NUP133: variants seen among roughly 807,000 people sequenced by gnomAD.
NUP133 encodes nucleoporin 133, also known as nuclear pore complex protein Nup133.
Under a neutral mutation model 146.2 loss-of-function variants are expected in NUP133, and 66 were observed. The observed-to-expected ratio is 0.45, with a 90% CI of 0.37 to 0.55. NUP133 has a LOEUF of 0.55. Among genes scored for constraint, NUP133 ranks in the 20% least tolerant of loss-of-function variants. NUP133 has a pLI of 0.00. For missense variants in NUP133, 1,277 were observed against 1,374.8 expected (o/e 0.93, Z 1.12); for synonymous variants, 521 against 498.8 (o/e 1.04, Z -0.59).
rs1167950630 is a variant in NUP133 at position 229,492,614 on chromosome 1, A to C, written c.1047-2512T>G. Among the ~76,000 whole-genome samples, 57 of 151,988 alleles carry C rather than the reference A, an allele frequency of 3.8e-4. 1 individual carries two copies. The highest frequency in any genetic ancestry group is 7.4e-5 in the Non-Finnish European group (5 of 68,006). On this transcript the variant is annotated intron_variant, in intron 8 of 25. Transcript: ENST00000261396. ...TATCACTTCTGCTTGGACTCTTGAA[A>C]GGAATTCAAGAATATTGGTCCACGT...
At chr1:229,453,140 G>C (rs1001550549) in intron 21 of NUP133, among the ~76,000 whole-genome samples, 1 of 152,130 alleles carries the variant, frequency 6.6e-6, no homozygotes, top group Non-Finnish European at 1.5e-5. Flanking sequence ...TGCTGCCCAG[G>C]CTGGTCTCAA....
rs757410070 is a variant in NUP133, at chr1:229,502,058, A to G, written c.346T>C (p.Cys116Arg). 1.2e-6 allele frequency: 2 copies of G among 1,614,058 alleles called. No individual in the cohort carries two copies. Among genetic ancestry groups the G allele is most frequent in the South Asian group, 2.2e-5 (2 of 91,082 alleles). ...ATGAGCTTCTCTTTGCACACCAGACAAGCCCATCCACCTTCATCTATGTTA... is the reference window on the plus strand; with the variant it reads ...ATGAGCTTCTCTTTGCACACCAGACGAGCCCATCCACCTTCATCTATGTTA... ...TINIDEGGWACLVCKEKLIIW... is the reference protein window; with the variant it reads ...TINIDEGGWARLVCKEKLIIW... Residue 116 changes from cysteine (C) to arginine (R), a missense_variant, in exon 3 of 26, where the codon TGT becomes CGT. Coordinates refer to ENST00000261396, the MANE Select transcript of NUP133 (RefSeq NM_018230.3).
chr1:229,480,915 G>A (rs914292110), intron 12 of NUP133, among the ~76,000 whole-genome samples: 6 of 148,910 alleles, frequency 4.0e-5, no homozygotes, highest in African/African-American at 1.0e-4. Flanking sequence ...GGCTGGTCTC[G>A]AAGTCCTGAT....
chr1:229,493,050 G>C (rs1273435726), intron 8 of NUP133, among the ~76,000 whole-genome samples: 3 of 151,076 alleles, frequency 2.0e-5, no homozygotes, highest in Non-Finnish European at 4.4e-5. Context: ...TGCTTTACCA[G>C]TTAAGTTTTT....
intron 12 of NUP133, among the ~76,000 whole-genome samples, chr1:229,483,710 A>C (rs1400416189): frequency 1.4e-5 from 2 of 146,520 alleles, no homozygotes; most frequent in Non-Finnish European, 2.9e-5. Flanking sequence ...AAAAAAAAAA[A>C]AAAAAAAAAA....
chr1:229,441,674 G>A lies in NUP133; in HGVS notation c.*230C>T, dbSNP rs995679993. Reference sequence around the variant, plus strand: ...CGTGAGAGTAAAAAGAAAGGGCACCGAGTACAGGAACAACAACTGACACAT... The same window carrying A: ...CGTGAGAGTAAAAAGAAAGGGCACCAAGTACAGGAACAACAACTGACACAT... On this transcript the variant is annotated 3_prime_UTR_variant, in exon 26 of 26. Transcript: ENST00000261396. 11 of 422,504 alleles carry A rather than the reference G, an allele frequency of 2.6e-5. No individual in the cohort carries two copies. The highest frequency in any genetic ancestry group is 4.0e-5 in the Admixed American group (1 of 24,842). The allele number at this position is 422,504 out of a possible 1,614,324, so 26.2% of individuals were successfully genotyped here.
chr1:229,497,703 C>G (rs1661687410), intron 6 of NUP133, among the ~76,000 whole-genome samples: 1 of 152,134 alleles, frequency 6.6e-6, no homozygotes, highest in South Asian at 2.1e-4. Context: ...AGTAGATGGT[C>G]CATAAATATT....
intron 15 of NUP133, 66 bp downstream of exon 15, chr1:229,470,514 C>A: frequency 7.6e-7 from 1 of 1,313,860 alleles, no homozygotes; most frequent in South Asian, 1.2e-5. Context: ...ACCGTCTTTC[C>A]TGCCTAGGGC....
At chr1:229,473,265 A>C (rs561688317) in intron 14 of NUP133, among the ~76,000 whole-genome samples, 4 of 152,130 alleles carry the variant, frequency 2.6e-5, no homozygotes, top group African/African-American at 9.7e-5. Flanking sequence ...AAAACACACA[A>C]AAAAAACTTT....
intron 19 of NUP133, 91 bp downstream of exon 19, chr1:229,463,452 C>T: frequency 7.3e-7 from 1 of 1,362,616 alleles, no homozygotes; most frequent in Non-Finnish European, 1.0e-6. Flanking sequence ...TATCATATTC[C>T]AAAAGCCCTG....
At position 229,475,293 on chromosome 1, in the gene NUP133, C is replaced by T. The variant is rs534132562; in HGVS notation, c.1851+345G>A. 2.7e-3 allele frequency among the ~76,000 whole-genome samples: 405 copies of T among 152,060 alleles called. 3 individuals carry two copies. Among genetic ancestry groups the T allele is most frequent in the African/African-American group, 9.5e-3 (393 of 41,490 alleles). The stretch of plus-strand genomic sequence containing the variant: ...ACAATATATGTGAGGATAACCTTTA[C>T]CCAAAAAAAGAAAAGGAATACTTTC... On this transcript the variant is annotated intron_variant, in intron 14 of 25. Coordinates refer to ENST00000261396, the MANE Select transcript of NUP133 (RefSeq NM_018230.3).
chr1:229,499,758 C>T lies in NUP133; in HGVS notation c.574G>A (p.Gly192Ser), dbSNP rs1661750307. ...GSIRYWPSLA[G>S]EDTYTEAFVD... ...AAAGCCTCTGTGTAGGTATCTTCAC[C>T]AGCAAGGCTTGGCCAATAGCGGATA... The change falls in exon 5 of 26, where the codon GGT (glycine) becomes AGT (serine). Residue 192 changes from glycine (G) to serine (S), a missense_variant. This residue lies in a region of NUP133 where 319 missense variants were observed against 306.9 expected (regional missense o/e 1.04). Coordinates refer to ENST00000261396, the MANE Select transcript of NUP133 (RefSeq NM_018230.3). The T allele has an allele frequency of 6.2e-7, 1 of 1,614,124 alleles. No individual in the cohort carries two copies.
intron 6 of NUP133, among the ~76,000 whole-genome samples, chr1:229,496,869 CAG>C (rs1196633583): frequency 2.0e-5 from 3 of 151,944 alleles, no homozygotes; most frequent in Non-Finnish European, 2.9e-5. Flanking sequence ...GGACATATAG[CAG>C]AGAGTGTTGA....
At chr1:229,505,826 T>G (rs553384519) in intron 2 of NUP133, among the ~76,000 whole-genome samples, 1 of 152,182 alleles carries the variant, frequency 6.6e-6, no homozygotes, top group Admixed American at 6.5e-5. Flanking sequence ...AGGTGGTGGT[T>G]GCAGTGAGCT....
chr1:229,453,181 A>T (rs1660493807), intron 21 of NUP133, among the ~76,000 whole-genome samples: 1 of 141,394 alleles, frequency 7.1e-6, no homozygotes, highest in Non-Finnish European at 1.5e-5. Flanking sequence ...CTCCTGTTCT[A>T]GCCTCCCAAA....
intron 13 of NUP133, among the ~76,000 whole-genome samples, chr1:229,476,955 G>T (rs1661091719): frequency 6.9e-6 from 1 of 144,142 alleles, no homozygotes; most frequent in African/African-American, 2.8e-5. Flanking sequence ...AAAAAAAACT[G>T]GGATTGGGGG....
chr1:229,472,783 A>G (rs183193041), intron 14 of NUP133, among the ~76,000 whole-genome samples: 180 of 150,794 alleles, frequency 1.2e-3, no homozygotes, highest in African/African-American at 4.1e-3. Flanking sequence ...CTGCTTCTGT[A>G]AGGTATGGAA....
chr1:229,486,235 T>C lies in NUP133; in HGVS notation c.1500+136A>G, dbSNP rs376541246. On this transcript the variant is annotated intron_variant, in intron 11 of 25. Coordinates refer to ENST00000261396, the MANE Select transcript of NUP133 (RefSeq NM_018230.3). ...TACTGGGAAGTCTGAGGCAGGAGGA[T>C]TGCTTGAGGCCAGGAGTTTGGGGCT... 2.8e-5 allele frequency: 20 copies of C among 727,220 alleles called. No individual in the cohort carries two copies. In the South Asian group the frequency reaches 3.6e-4, roughly 13 times the overall value. The allele number at this position is 727,220 out of a possible 1,614,324, so 45.0% of individuals were successfully genotyped here.
At position 229,464,193 on chromosome 1, in the gene NUP133, C is replaced by T. The variant is rs552553121; in HGVS notation, c.2551+431G>A. The stretch of plus-strand genomic sequence containing the variant: ...CAGACCCTTGTTTCATCACTGCCTC[C>T]CCAAAACGCTATTCTCTTCCTTCAT... On this transcript the variant is annotated intron_variant, in intron 18 of 25. Coordinates refer to ENST00000261396, the MANE Select transcript of NUP133 (RefSeq NM_018230.3). Among the ~76,000 whole-genome samples, 19 of 152,112 alleles carry T rather than the reference C, an allele frequency of 1.2e-4. 1 individual carries two copies. The South Asian group carries it at 3.1e-3, about 25-fold the overall frequency.
Sources: allele counts gnomAD v4.1 joint callset (sites outside exome capture counted in the v4.1 genomes callset), GRCh38; gene constraint gnomAD v4.1.1; regional missense constraint gnomAD v4.1.1; transcripts MANE v1.5; gene names NCBI Gene and HGNC (gene_info 2026-07-23, HGNC 2026-07-21).